RET: variants seen among roughly 807,000 people sequenced by gnomAD.
RET encodes the protein ret proto-oncogene.
In RET, 19 loss-of-function variants were observed where a neutral mutation model predicts 118.3. The observed-to-expected ratio is 0.16, with a 90% CI of 0.11 to 0.24. RET has a LOEUF of 0.24. Ranked by LOEUF, RET falls within the 10% of genes least tolerant of loss-of-function variation. RET has a pLI of 1.00. For missense variants in RET, 1,219 were observed against 1,502.1 expected (o/e 0.81, Z 3.12); for synonymous variants, 597 against 644.1 (o/e 0.93, Z 1.11).
intron 3 of RET, among the ~76,000 whole-genome samples, chr10:43,103,067 C>T (rs897055463): frequency 6.6e-6 from 1 of 152,132 alleles, no homozygotes; most frequent in African/African-American, 2.4e-5. Flanking sequence ...AGGCCTAGCC[C>T]CTTGGAGGGC....
At chr10:43,103,407 GC>G (rs1199843577) in intron 3 of RET, among the ~76,000 whole-genome samples, 1 of 152,164 alleles carries the variant, frequency 6.6e-6, no homozygotes, top group African/African-American at 2.4e-5. Flanking sequence ...ACGGGTGGAA[GC>G]CGAGGCATGG....
intron 1 of RET, among the ~76,000 whole-genome samples, chr10:43,093,136 AGTT>A (rs1347249301): frequency 6.6e-6 from 1 of 152,072 alleles, no homozygotes; most frequent in Non-Finnish European, 1.5e-5. Flanking sequence ...GGAGGAAGTG[AGTT>A]GGAGGGCAGA....
In RET at chr10:43,077,192, AC is replaced by A. The variant is rs1837061398; in HGVS notation, c.-64del. Reference sequence around the variant, plus strand: ...ATGGGGCGGCCAGACTGAGCGCCGCACCCGCCATCCAGACCCGCCGGCCCTA... The same window carrying A: ...ATGGGGCGGCCAGACTGAGCGCCGCACCGCCATCCAGACCCGCCGGCCCTA... On this transcript the variant is annotated 5_prime_UTR_variant, in exon 1 of 20. Transcript: ENST00000355710. 7.1e-7 allele frequency: 1 copy of A among 1,408,960 alleles called. No homozygotes were observed. Among genetic ancestry groups the A allele is most frequent in the Admixed American group, 2.8e-5 (1 of 36,244 alleles). 87.3% of individuals were successfully genotyped at this position (1,408,960 alleles called of 1,614,324 possible).
intron 4 of RET, 53 bp downstream of exon 4, chr10:43,105,246 T>TC: frequency 1.2e-6 from 2 of 1,610,054 alleles, no homozygotes; most frequent in Non-Finnish European, 1.7e-6. Flanking sequence ...CGGCCACAGT[T>TC]CGTTTCTCGG....
At chr10:43,089,165 C>T (rs1005741347) in intron 1 of RET, among the ~76,000 whole-genome samples, 1 of 152,238 alleles carries the variant, frequency 6.6e-6, no homozygotes, top group Non-Finnish European at 1.5e-5. Flanking sequence ...AGGCAGCGTC[C>T]GCTCAGCAGA....
rs898925306 is a variant in RET, at chr10:43,109,426, C to T, written c.1263+196C>T. The stretch of plus-strand genomic sequence containing the variant: ...AGCTCACAGTGGGCAGGGCTGGGGG[C>T]TCCTTGGGCCTCTCTTTTTTTCCCC... On this transcript the variant is annotated intron_variant, in intron 6 of 19. Transcript: ENST00000355710. Among the ~76,000 whole-genome samples, 4 of 152,118 alleles carry T rather than the reference C, an allele frequency of 2.6e-5. No homozygotes were observed. The South Asian group carries it at 8.3e-4, about 32-fold the overall frequency.
intron 2 of RET, among the ~76,000 whole-genome samples, chr10:43,100,991 C>T (rs1401537699): frequency 6.6e-6 from 1 of 152,222 alleles, no homozygotes; most frequent in Non-Finnish European, 1.5e-5. Context: ...AATCCCTCTT[C>T]CAGTGGGGCT....
rs781362020 is a variant in RET at position 43,109,108 on chromosome 10, T to C, written c.1141T>C (p.Phe381Leu). The change falls in exon 6 of 20, where the codon TTC becomes CTC. Residue 381 changes from phenylalanine to leucine, a missense_variant. Phe to Leu is a conservative substitution (Grantham distance 22). Coordinates refer to ENST00000355710, the MANE Select transcript of RET (RefSeq NM_020975.6). ...GGCGGTGCTGGTCAATGACTCAGACTTCCAGGGCCCAGGAGCGGGCGTCCT... is the reference window on the plus strand; with the variant it reads ...GGCGGTGCTGGTCAATGACTCAGACCTCCAGGGCCCAGGAGCGGGCGTCCT... ...QLAVLVNDSD[F>L]QGPGAGVLLL... 28 of 1,613,778 alleles carry C rather than the reference T, an allele frequency of 1.7e-5. No homozygotes were observed. Among genetic ancestry groups the C allele is most frequent in the Middle Eastern group, 3.3e-4 (2 of 6,084 alleles).
chr10:43,118,300 T>C, intron 12 of RET, 73 bp from the exon 13 acceptor site: 1 of 1,203,220 alleles, frequency 8.3e-7, no homozygotes, highest in Non-Finnish European at 1.2e-6. Context: ...TGCAGGTCCA[T>C]CCTGACCTGG....
intron 17 of RET, among the ~76,000 whole-genome samples, chr10:43,124,497 A>G (rs1257488330): frequency 6.6e-6 from 1 of 152,220 alleles, no homozygotes; most frequent in Non-Finnish European, 1.5e-5. Flanking sequence ...AAAAGCCCTC[A>G]ATCAATTCAT....
intron 1 of RET, among the ~76,000 whole-genome samples, chr10:43,078,106 A>G (rs559061308): frequency 3.9e-5 from 6 of 152,312 alleles, no homozygotes; most frequent in African/African-American, 1.4e-4. Context: ...GTGCCTTAGG[A>G]TCCCAGCATT....
At chr10:43,101,548 C>G (rs1313484235) in intron 2 of RET, among the ~76,000 whole-genome samples, 1 of 152,348 alleles carries the variant, frequency 6.6e-6, no homozygotes, top group East Asian at 1.9e-4. Context: ...CGTGGTTCTA[C>G]GCACTTAGTT....
intron 1 of RET, among the ~76,000 whole-genome samples, chr10:43,095,956 G>A (rs1837514023): frequency 1.3e-5 from 2 of 152,168 alleles, no homozygotes; most frequent in South Asian, 4.1e-4. Context: ...AATCCTCTTA[G>A]TTTCTCAGAC....
intron 3 of RET, among the ~76,000 whole-genome samples, chr10:43,103,804 G>C (rs1408582265): frequency 6.6e-6 from 1 of 152,242 alleles, no homozygotes; most frequent in Non-Finnish European, 1.5e-5. Context: ...ACAGAGGAAA[G>C]CATTATATGA....
At chr10:43,102,797 A>G (rs1837671849) in intron 3 of RET, 168 bp downstream of exon 3, 3 of 777,588 alleles carry the variant, frequency 3.9e-6, no homozygotes, top group African/African-American at 1.7e-5. Context: ...GTACTGTTCT[A>G]GGAGCTAAGG....
intron 1 of RET, among the ~76,000 whole-genome samples, chr10:43,077,682 G>T (rs1837079228): frequency 6.6e-6 from 1 of 152,170 alleles, no homozygotes. Flanking sequence ...AGCCGTTTCG[G>T]GGCCGACCTG....
chr10:43,087,572 G>A (rs888906088), intron 1 of RET, among the ~76,000 whole-genome samples: 3 of 152,220 alleles, frequency 2.0e-5, no homozygotes, highest in Admixed American at 6.5e-5. Context: ...CTCAAAGGAG[G>A]TATTGACTTG....
intron 15 of RET, among the ~76,000 whole-genome samples, chr10:43,121,620 A>C (rs929004151): frequency 7.9e-5 from 12 of 152,216 alleles, no homozygotes; most frequent in Admixed American, 6.5e-4. Flanking sequence ...TCAGAACCCC[A>C]GGGGAGATCT....
In RET at chr10:43,120,121, C is replaced by T. The variant is rs1293645997; in HGVS notation, c.2648C>T (p.Ala883Val). ...RDLAARNILV[A>V]EGRKMKISDF... ...TTGGCAGCCAGAAACATCCTGGTAG[C>T]TGAGGGGCGGAAGATGAAGATTTCG... Residue 883 changes from alanine (A) to valine (V), a missense_variant, in exon 15 of 20, where the codon GCT becomes GTT. By Grantham distance (64) the Ala-to-Val change is moderately conservative. This residue lies in a region of RET where 73 missense variants were observed against 156.5 expected (regional missense o/e 0.47). Coordinates refer to ENST00000355710, the MANE Select transcript of RET (RefSeq NM_020975.6). 2.5e-6 allele frequency: 4 copies of T among 1,614,014 alleles called. No homozygotes were observed. The highest frequency in any genetic ancestry group is 1.7e-5 in the Admixed American group (1 of 60,002).
Sources: gnomAD v4.1 joint callset for allele counts (sites outside exome capture counted in the v4.1 genomes callset) on GRCh38, gnomAD v4.1.1 for gene constraint, gnomAD v4.1.1 regional missense constraint, MANE v1.5 for transcripts, NCBI Gene and HGNC (gene_info 2026-07-23, HGNC 2026-07-21) for gene names.